The following CHST11 variants were observed in gnomAD, a reference collection of about 807,000 sequenced individuals.
CHST11 encodes carbohydrate sulfotransferase 11.
In CHST11, 9 loss-of-function variants were observed where a neutral mutation model predicts 30.4. That is an observed-to-expected ratio of 0.30 (90% confidence interval 0.18 to 0.52). The LOEUF (loss-of-function observed/expected upper bound fraction) is 0.52. CHST11 is among the 20% of genes least tolerant of loss of function. The probability of loss-of-function intolerance (pLI) is 0.97; values close to 1 mark genes in which losing one functional copy is unlikely to be tolerated. For missense variants in CHST11, 348 were observed against 460.6 expected, an observed-to-expected ratio of 0.76 and a Z score of 2.24; for synonymous variants, 152 against 187.8, an observed-to-expected ratio of 0.81 and a Z score of 1.56.
chr12:104,631,829 C>T (rs989795068), intron 2 of CHST11, among the ~76,000 whole-genome samples: 5 of 152,200 alleles, frequency 3.3e-5, no homozygotes, highest in Admixed American at 3.3e-4. Context: ...ATTGCAGGGT[C>T]GGAGCCACGG....
intron 1 of CHST11, among the ~76,000 whole-genome samples, chr12:104,460,680 A>G (rs7307713): frequency 0.15 from 22,211 of 148,036 alleles, 2,998 homozygotes; most frequent in African/African-American, 0.36. Flanking sequence ...AAAAAAAAAA[A>G]AGAGACAAAA....
In CHST11 at chr12:104,745,930, C is replaced by T. The variant is rs923191759; in HGVS notation, c.205-11019C>T. 6.6e-5 allele frequency among the ~76,000 whole-genome samples: 10 copies of T among 152,264 alleles called. 1 individual carries two copies. The highest frequency in any genetic ancestry group is 6.5e-5 in the Admixed American group (1 of 15,286). On this transcript the variant is annotated intron_variant, in intron 2 of 2. Transcript: ENST00000303694. ...TTCTTCCTACTCAAATGTCCTTTAT[C>T]TCCTTCTCTTGCCTGATCACCCTGG...
chr12:104,653,659 C>G (rs951039734), intron 2 of CHST11, among the ~76,000 whole-genome samples: 3 of 152,204 alleles, frequency 2.0e-5, no homozygotes, highest in African/African-American at 7.2e-5. Flanking sequence ...TGACAGTGGT[C>G]TGATGTCTGT....
At chr12:104,489,418 C>T (rs758002047) in intron 1 of CHST11, among the ~76,000 whole-genome samples, 17 of 152,114 alleles carry the variant, frequency 1.1e-4, no homozygotes, top group Non-Finnish European at 1.9e-4. Context: ...TTTAAAGGCC[C>T]TGTTTCCAAA....
chr12:104,577,301 T>C (rs1035595371), intron 1 of CHST11, among the ~76,000 whole-genome samples: 35 of 142,206 alleles, frequency 2.5e-4, no homozygotes, highest in African/African-American at 9.2e-4. Context: ...TAACATAAAA[T>C]TTACCATTTT....
At chr12:104,701,474 G>A (rs1032379950) in intron 2 of CHST11, among the ~76,000 whole-genome samples, 1 of 152,116 alleles carries the variant, frequency 6.6e-6, no homozygotes, top group African/African-American at 2.4e-5. Context: ...ACTGCGTGGG[G>A]TGGGCTAATA....
At chr12:104,747,292 C>A (rs967765183) in intron 2 of CHST11, among the ~76,000 whole-genome samples, 1 of 152,220 alleles carries the variant, frequency 6.6e-6, no homozygotes, top group African/African-American at 2.4e-5. Context: ...GGACTCGAAC[C>A]CCAGACCCGG....
At chr12:104,737,995 CG>C (rs2040315209) in intron 2 of CHST11, among the ~76,000 whole-genome samples, 1 of 152,148 alleles carries the variant, frequency 6.6e-6, no homozygotes, top group Non-Finnish European at 1.5e-5. Context: ...CCCCAGGCCC[CG>C]ATCCTACTTG....
At chr12:104,535,281 A>C (rs1294914166) in intron 1 of CHST11, among the ~76,000 whole-genome samples, 1 of 152,212 alleles carries the variant, frequency 6.6e-6, no homozygotes, top group Non-Finnish European at 1.5e-5. Flanking sequence ...ATGGTAGGTC[A>C]AGTCTGAGAC....
intron 2 of CHST11, among the ~76,000 whole-genome samples, chr12:104,603,633 A>C (rs1353669903): frequency 6.6e-6 from 1 of 152,184 alleles, no homozygotes. Context: ...TCTCCCTGGA[A>C]TGTTGGGAGG....
At chr12:104,609,122 T>C (rs954679170) in intron 2 of CHST11, among the ~76,000 whole-genome samples, 18 of 152,334 alleles carry the variant, frequency 1.2e-4, no homozygotes, top group African/African-American at 4.3e-4. Context: ...GGGGAAGGCA[T>C]GAAAGAGCAG....
chr12:104,521,707 C>G (rs1352598477), intron 1 of CHST11, among the ~76,000 whole-genome samples: 1 of 152,208 alleles, frequency 6.6e-6, no homozygotes, highest in Admixed American at 6.5e-5. Context: ...GTACTTCACT[C>G]TGTCCTCTGG....
At chr12:104,612,667 C>T (rs1379686352) in intron 2 of CHST11, among the ~76,000 whole-genome samples, 3 of 152,124 alleles carry the variant, frequency 2.0e-5, no homozygotes, top group Admixed American at 2.0e-4. Context: ...GATAAAAGTC[C>T]TTCTGTTAGC....
At chr12:104,677,973 G>A (rs1175815476) in intron 2 of CHST11, among the ~76,000 whole-genome samples, 1 of 152,146 alleles carries the variant, frequency 6.6e-6, no homozygotes, top group African/African-American at 2.4e-5. Flanking sequence ...TTCTGTGGTT[G>A]GTGCCTTCTC....
intron 2 of CHST11, among the ~76,000 whole-genome samples, chr12:104,732,457 TTTAC>T (rs1230894504): frequency 6.6e-6 from 1 of 152,162 alleles, no homozygotes. Flanking sequence ...ATCAATGGAT[TTTAC>T]TTACTTTTTA....
At chr12:104,457,905 G>A (rs560030858) in intron 1 of CHST11, among the ~76,000 whole-genome samples, 1 of 151,864 alleles carries the variant, frequency 6.6e-6, no homozygotes, top group Admixed American at 6.5e-5. Flanking sequence ...CTGGTTTGAG[G>A]AGAACGAAAC....
chr12:104,646,638 G>T (rs2039434989), intron 2 of CHST11, among the ~76,000 whole-genome samples: 4 of 104,756 alleles, frequency 3.8e-5, no homozygotes, highest in Admixed American at 2.7e-4. Flanking sequence ...TACAGAGGTT[G>T]CAGTGAGCCG....
Position 104,610,493 on chromosome 12 carries a change from C to T in CHST11, c.204+8502C>T, listed in dbSNP as rs561763652. The stretch of plus-strand genomic sequence containing the variant: ...AAGGGCATTCAAGTGACCAAATGAC[C>T]TCGGCAGTTTCCACATGGTAACACA... On this transcript the variant is annotated intron_variant, in intron 2 of 2. Transcript: ENST00000303694. Among the ~76,000 whole-genome samples the T allele has an allele frequency of 2.0e-4, 30 of 152,304 alleles. No homozygotes were observed. The South Asian group carries it at 5.8e-3, about 29-fold the overall frequency.
chr12:104,535,855 A>G (rs1435777172), intron 1 of CHST11, among the ~76,000 whole-genome samples: 2 of 152,236 alleles, frequency 1.3e-5, no homozygotes, highest in Non-Finnish European at 2.9e-5. Context: ...GAAAGAGATC[A>G]TAACTCTGGA....
Sources: allele counts gnomAD v4.1 joint callset (sites outside exome capture counted in the v4.1 genomes callset), GRCh38; gene constraint gnomAD v4.1.1; transcripts MANE v1.5; gene names NCBI Gene and HGNC (gene_info 2026-07-23, HGNC 2026-07-21).